GPHN: variants seen among roughly 807,000 people sequenced by gnomAD.
GPHN encodes gephyrin.
Under a neutral mutation model 95.5 loss-of-function variants are expected in GPHN, and 17 were observed. The observed-to-expected ratio is 0.18, with a 90% CI of 0.12 to 0.27. The LOEUF (loss-of-function observed/expected upper bound fraction) is 0.27, where lower values mean the gene tolerates loss of function less well. GPHN is among the 10% of genes least tolerant of loss of function. GPHN has a pLI of 1.00. For synonymous variants in GPHN, 320 were observed against 322.5 expected (o/e 0.99, Z 0.08); for missense variants, 660 against 978.1 (o/e 0.67, Z 4.34).
chr14:66,546,661 A>G (rs1396960840), intron 1 of GPHN, among the ~76,000 whole-genome samples: 2 of 151,458 alleles, frequency 1.3e-5, no homozygotes, highest in African/African-American at 2.4e-5. Context: ...AATCGCAGGC[A>G]CTCAGCAAGC....
chr14:66,545,392 C>A (rs1223861783), intron 1 of GPHN, among the ~76,000 whole-genome samples: 1 of 142,696 alleles, frequency 7.0e-6, no homozygotes, highest in African/African-American at 2.7e-5. Context: ...GGCTGACCCC[C>A]CCACCTCCCT....
chr14:66,878,037 A>G (rs903327256), intron 4 of GPHN, among the ~76,000 whole-genome samples: 2 of 152,164 alleles, frequency 1.3e-5, no homozygotes, highest in African/African-American at 2.4e-5. Flanking sequence ...ATATAGACCA[A>G]TGGAACAGAA....
chr14:66,901,224 TTTG>T (rs545926159), intron 5 of GPHN, among the ~76,000 whole-genome samples: 26 of 152,044 alleles, frequency 1.7e-4, no homozygotes, highest in Non-Finnish European at 2.8e-4. Context: ...ATTTGTTGTT[TTTG>T]TTGTTGTTGT....
At chr14:66,788,224 G>A (rs191364670) in intron 3 of GPHN, among the ~76,000 whole-genome samples, 3 of 152,252 alleles carry the variant, frequency 2.0e-5, no homozygotes, top group Admixed American at 6.5e-5. Flanking sequence ...CGGGAGAATC[G>A]CTTGAACCCA....
At chr14:66,919,612 A>G (rs925564626) in intron 6 of GPHN, among the ~76,000 whole-genome samples, 1 of 152,202 alleles carries the variant, frequency 6.6e-6, no homozygotes, top group African/African-American at 2.4e-5. Flanking sequence ...TCTGTCTCCT[A>G]TTAAACAATC....
chr14:66,985,232 A>G (rs1369978306), intron 9 of GPHN, among the ~76,000 whole-genome samples: 1 of 152,164 alleles, frequency 6.6e-6, no homozygotes. Flanking sequence ...ATCAAGAATG[A>G]TGCTTGTCAG....
intron 1 of GPHN, among the ~76,000 whole-genome samples, chr14:66,561,162 T>G (rs2140276755): frequency 6.6e-6 from 1 of 152,248 alleles, no homozygotes; most frequent in South Asian, 2.1e-4. Flanking sequence ...TATTGAGGAT[T>G]TTTGCATCAA....
At chr14:67,123,090 A>T (rs2079102642) in intron 17 of GPHN, among the ~76,000 whole-genome samples, 1 of 152,148 alleles carries the variant, frequency 6.6e-6, no homozygotes, top group South Asian at 2.1e-4. Context: ...CTAGAGCTAC[A>T]CCTGCTTTTA....
At chr14:67,109,127 T>C (rs1206585404) in intron 13 of GPHN, among the ~76,000 whole-genome samples, 1 of 152,092 alleles carries the variant, frequency 6.6e-6, no homozygotes, top group Non-Finnish European at 1.5e-5. Context: ...TATTTGTTTA[T>C]CAAAACAAAA....
chr14:66,644,562 A>G (rs372309570), intron 1 of GPHN, among the ~76,000 whole-genome samples: 4 of 152,160 alleles, frequency 2.6e-5, no homozygotes, highest in African/African-American at 9.6e-5. Context: ...TAACATGTCA[A>G]TCAGTATTTA....
At chr14:66,522,226 T>C (rs1055222945) in intron 1 of GPHN, among the ~76,000 whole-genome samples, 1 of 152,162 alleles carries the variant, frequency 6.6e-6, no homozygotes, top group African/African-American at 2.4e-5. Flanking sequence ...ACACACATAA[T>C]TGAAATATTT....
the GPHN span, chr14:67,279,830 A>G: frequency 6.1e-5 from 20 of 327,086 alleles, no homozygotes; most frequent in Non-Finnish European, 1.1e-4. Flanking sequence ...TTTATATCAA[A>G]CCACAAACTT....
intron 1 of GPHN, among the ~76,000 whole-genome samples, chr14:66,630,374 A>C (rs1242986582): frequency 6.6e-6 from 1 of 152,220 alleles, no homozygotes; most frequent in African/African-American, 2.4e-5. Context: ...TTAGTGATTT[A>C]AAATAGAAAA....
At chr14:66,843,999 A>G (rs943446365) in intron 4 of GPHN, among the ~76,000 whole-genome samples, 10 of 152,020 alleles carry the variant, frequency 6.6e-5, no homozygotes, top group African/African-American at 2.2e-4. Context: ...AGTTACTCCT[A>G]TTAATTTTAT....
chr14:67,123,283 G>A (rs1485934585), intron 17 of GPHN, among the ~76,000 whole-genome samples: 2 of 152,186 alleles, frequency 1.3e-5, no homozygotes, highest in African/African-American at 4.8e-5. Context: ...AAACTCAGAT[G>A]TGCTTTTGAA....
At chr14:66,863,796 C>T (rs1459547637) in intron 4 of GPHN, among the ~76,000 whole-genome samples, 3 of 152,230 alleles carry the variant, frequency 2.0e-5, no homozygotes, top group African/African-American at 7.2e-5. Flanking sequence ...ACCCCTATCT[C>T]TTGCCATACA....
At chr14:67,681,020 C>G in the GPHN span, among the ~76,000 whole-genome samples, 1 of 152,080 alleles carries the variant, frequency 6.6e-6, no homozygotes, top group African/African-American at 2.4e-5. Flanking sequence ...ATTGTGTTCC[C>G]CCAAAATTAA....
the GPHN span, chr14:67,651,386 C>CA: frequency 6.2e-7 from 1 of 1,613,766 alleles, no homozygotes; most frequent in Non-Finnish European, 8.5e-7. Flanking sequence ...TATAGAAGTT[C>CA]AATGGCTGCG....
intron 3 of GPHN, among the ~76,000 whole-genome samples, chr14:66,801,791 G>GCCCGTT (rs912079022): frequency 7.0e-6 from 1 of 142,616 alleles, no homozygotes; most frequent in African/African-American, 2.7e-5. Context: ...TACCATCTAT[G>GCCCGTT]CCCGCTCCCG....
Sources: allele counts gnomAD v4.1 joint callset (sites outside exome capture counted in the v4.1 genomes callset), GRCh38; gene constraint gnomAD v4.1.1; transcripts MANE v1.5; gene names NCBI Gene and HGNC (gene_info 2026-07-23, HGNC 2026-07-21).